The following CAMTA1 variants were observed in gnomAD, a reference collection of about 807,000 sequenced individuals.
The protein encoded by CAMTA1 is calmodulin binding transcription activator 1.
In CAMTA1, 27 loss-of-function variants were observed where a neutral mutation model predicts 170.9. That is an observed-to-expected ratio of 0.16 (90% CI 0.12 to 0.22). The LOEUF (loss-of-function observed/expected upper bound fraction) is 0.22. Ranked by LOEUF, CAMTA1 falls within the 10% of genes least tolerant of loss-of-function variation. The probability of loss-of-function intolerance (pLI) is 1.00; values close to 1 mark genes in which losing one functional copy is unlikely to be tolerated. For synonymous variants in CAMTA1, 833 were observed against 891.5 expected (o/e 0.93, Z 1.17); for missense variants, 1,619 against 2,217.2 (o/e 0.73, Z 5.42).
At position 6,879,399 on chromosome 1, in the gene CAMTA1, C is replaced by T. The variant is rs191990993; in HGVS notation, c.234+54189C>T. Among the ~76,000 whole-genome samples, 417 of 152,246 alleles carry T rather than the reference C, an allele frequency of 2.7e-3. 2 individuals are homozygous for T. The highest frequency in any genetic ancestry group is 2.3e-3 in the Non-Finnish European group (154 of 68,030). The stretch of plus-strand genomic sequence containing the variant: ...CTTTGGTTTCAGAAGTCAATTAAAT[C>T]TTAGCTGCTCTGAGTAAACAGCCAT... On this transcript the variant is annotated intron_variant, in intron 3 of 22. Transcript: ENST00000303635.
At chr1:7,331,526 C>A (rs552992208) in intron 5 of CAMTA1, among the ~76,000 whole-genome samples, 2 of 152,346 alleles carry the variant, frequency 1.3e-5, no homozygotes, top group Non-Finnish European at 2.9e-5. Flanking sequence ...ACTGCACATT[C>A]CATGAGCTGC....
intron 6 of CAMTA1, among the ~76,000 whole-genome samples, chr1:7,613,894 C>T (rs115262656): frequency 0.011 from 1,465 of 136,770 alleles, 15 homozygotes; most frequent in African/African-American, 0.037. Context: ...AGGGGCAGGC[C>T]GGACCTAGAG....
At position 7,736,527 on chromosome 1, in the gene CAMTA1, C is replaced by T. The variant is rs767329488; in HGVS notation, c.3250C>T (p.Leu1084Phe). 6.2e-7 allele frequency: 1 copy of T among 1,614,186 alleles called. No homozygotes were observed. The highest frequency in any genetic ancestry group is 8.5e-7 in the Non-Finnish European group (1 of 1,180,008). The change falls in exon 13 of 23, where the codon CTC becomes TTC. Residue 1084 changes from leucine (L) to phenylalanine (F), a missense_variant. Physicochemically the swap from Leu to Phe is conservative, Grantham distance 22. Around this residue, in one of 8 missense-constraint regions of CAMTA1, gnomAD observed 60 missense variants for 128.5 expected, o/e 0.47. Coordinates refer to ENST00000303635, the MANE Select transcript of CAMTA1 (RefSeq NM_015215.4). This position sits in a 1 kb window ranked among gnomAD's most constrained non-coding sequence, Gnocchi z 4.5. ...GGGCTATGCCACCCTAATCCAGACCCTCATCAAATGGCGGTAAGGCTGTGG... is the reference window on the plus strand; with the variant it reads ...GGGCTATGCCACCCTAATCCAGACCTTCATCAAATGGCGGTAAGGCTGTGG... ...AQGYATLIQT[L>F]IKWRTKHADS...
At chr1:7,599,058 C>A (rs1283100618) in intron 6 of CAMTA1, among the ~76,000 whole-genome samples, 1 of 152,090 alleles carries the variant, frequency 6.6e-6, no homozygotes, top group Non-Finnish European at 1.5e-5. Context: ...TCTTCTAGGG[C>A]TTTTATGGTT....
At chr1:7,671,091 C>T (rs1213903955) in intron 10 of CAMTA1, 54 bp downstream of exon 10, 5 of 1,597,480 alleles carry the variant, frequency 3.1e-6, no homozygotes, top group Non-Finnish European at 4.3e-6. Flanking sequence ...CTGAGGAGCA[C>T]TGGACTCGGA....
chr1:7,567,517 A>C (rs993369922), intron 6 of CAMTA1, among the ~76,000 whole-genome samples: 2 of 152,236 alleles, frequency 1.3e-5, no homozygotes, highest in African/African-American at 4.8e-5. Flanking sequence ...CAGGGAAAGC[A>C]GTGGATGGAT....
rs948600631 is a variant in CAMTA1, at chr1:7,234,169, C to T, written c.303-15322C>T. ...TACTTGGGGTGAGCCGCTCTCTCGC[C>T]CCGTCTCCTGCCCCTGCCCTGTTCT... is the stretch of plus-strand genomic sequence containing the variant. On this transcript the variant is annotated intron_variant, in intron 4 of 22. Coordinates refer to ENST00000303635, the MANE Select transcript of CAMTA1 (RefSeq NM_015215.4). This position sits in a 1 kb window ranked among gnomAD's most constrained non-coding sequence, Gnocchi z 5.0. Among the ~76,000 whole-genome samples, 1 of 152,152 alleles carries T rather than the reference C, an allele frequency of 6.6e-6. No individual in the cohort carries two copies. The highest frequency in any genetic ancestry group is 6.5e-5 in the Admixed American group (1 of 15,278).
At chr1:7,704,545 C>A (rs996198033) in intron 11 of CAMTA1, among the ~76,000 whole-genome samples, 1 of 148,298 alleles carries the variant, frequency 6.7e-6, no homozygotes, top group Non-Finnish European at 1.5e-5. Flanking sequence ...GCGGCTCGGG[C>A]GCAGTTCCGG....
At chr1:7,138,900 CAGG>C (rs1645701356) in intron 4 of CAMTA1, among the ~76,000 whole-genome samples, 1 of 151,104 alleles carries the variant, frequency 6.6e-6, no homozygotes, top group East Asian at 1.9e-4. Context: ...TAGGCTGAGG[CAGG>C]AGAATTGCTT....
At chr1:7,205,121 G>T (rs915272708) in intron 4 of CAMTA1, among the ~76,000 whole-genome samples, 17 of 151,622 alleles carry the variant, frequency 1.1e-4, no homozygotes, top group Admixed American at 5.9e-4. Context: ...GAGCCACCGC[G>T]CCCGGCCCAG....
chr1:7,723,543 G>A (rs2096663004), intron 11 of CAMTA1, among the ~76,000 whole-genome samples: 2 of 152,124 alleles, frequency 1.3e-5, no homozygotes, highest in East Asian at 1.9e-4. Context: ...TCTTGTTGTT[G>A]GGACTGGACT....
intron 11 of CAMTA1, chr1:7,693,030 T>C (rs1184705217): frequency 6.6e-6 from 1 of 152,266 alleles, no homozygotes; most frequent in African/African-American, 2.4e-5. Context: ...TGTGTGCTCA[T>C]AGGAGTGCCC....
chr1:7,320,549 G>A (rs1008114758), intron 5 of CAMTA1, among the ~76,000 whole-genome samples: 7 of 151,330 alleles, frequency 4.6e-5, no homozygotes, highest in Non-Finnish European at 8.8e-5. Context: ...CAGGGTCTAC[G>A]TTGGTGAATT....
At position 7,141,289 on chromosome 1, in the gene CAMTA1, A is replaced by C. The variant is rs149232223; in HGVS notation, c.302+49918A>C. The stretch of plus-strand genomic sequence containing the variant: ...CCGGCTTCAGAAGGCATCTGTTCTC[A>C]CAGTGGCATGTCAGGGTCCTGCTCC... On this transcript the variant is annotated intron_variant, in intron 4 of 22. Transcript: ENST00000303635. Among the ~76,000 whole-genome samples, 229 of 152,296 alleles carry C rather than the reference A, an allele frequency of 1.5e-3. 4 individuals carry two copies. The South Asian group carries it at 0.028, about 19-fold the overall frequency.
At position 7,680,437 on chromosome 1, in the gene CAMTA1, C is replaced by G. The variant is rs566733089; in HGVS notation, c.2914+2704C>G. Among the ~76,000 whole-genome samples the G allele has an allele frequency of 8.6e-4, 131 of 152,202 alleles. 1 individual carries two copies. Among genetic ancestry groups the G allele is most frequent in the Non-Finnish European group, 1.5e-3 (99 of 67,996 alleles). The stretch of plus-strand genomic sequence containing the variant: ...CAAACTGGGGCACGGCTGCCGGCGG[C>G]GCGCGTGCACACACTCTCTCCCACG... On this transcript the variant is annotated intron_variant, in intron 11 of 22. Transcript: ENST00000303635. This position sits in a 1 kb window ranked among gnomAD's most constrained non-coding sequence, Gnocchi z 4.4.
intron 3 of CAMTA1, among the ~76,000 whole-genome samples, chr1:6,829,998 G>A (rs1206879512): frequency 2.0e-5 from 3 of 151,336 alleles, no homozygotes; most frequent in Non-Finnish European, 4.4e-5. Context: ...TTTCTCCTAC[G>A]TGTATTTTGA....
At chr1:7,378,230 C>T (rs1362627768) in intron 5 of CAMTA1, among the ~76,000 whole-genome samples, 2 of 152,176 alleles carry the variant, frequency 1.3e-5, no homozygotes, top group African/African-American at 4.8e-5. Context: ...TTCCTGTAGC[C>T]ATTCAGCCAA....
chr1:7,321,033 C>A (rs930629702), intron 5 of CAMTA1, among the ~76,000 whole-genome samples: 3 of 152,178 alleles, frequency 2.0e-5, no homozygotes, highest in South Asian at 2.1e-4. Flanking sequence ...TGGCAGTAAG[C>A]CCCTTGGTGA....
intron 5 of CAMTA1, among the ~76,000 whole-genome samples, chr1:7,401,974 G>A (rs371171999): frequency 6.6e-6 from 1 of 152,230 alleles, no homozygotes; most frequent in Non-Finnish European, 1.5e-5. Flanking sequence ...CCTTAAAGGA[G>A]TGAGTCACCA....
Sources: allele counts gnomAD v4.1 joint callset (sites outside exome capture counted in the v4.1 genomes callset), GRCh38; gene constraint gnomAD v4.1.1; regional missense constraint gnomAD v4.1.1; non-coding constraint Gnocchi (gnomAD v3.1); transcripts MANE v1.5; gene names NCBI Gene and HGNC (gene_info 2026-07-23, HGNC 2026-07-21).